Variants in RARB observed in about 807,000 individuals in gnomAD.
RARB encodes HBV-activated protein.
A neutral mutation model predicts 51.9 loss-of-function variants in RARB; 17 were observed. The ratio of observed to expected loss-of-function variants is 0.33; its 90% CI spans 0.22 to 0.49. The LOEUF is 0.49. RARB is among the 20% of genes least tolerant of loss of function. The pLI is 0.99. For missense variants in RARB, 369 were observed against 550.8 expected (o/e 0.67, Z 3.30); for synonymous variants, 215 against 195.4 (o/e 1.10, Z -0.84).
intron 2 of RARB, among the ~76,000 whole-genome samples, chr3:25,011,419 G>A (rs1697391705): frequency 6.6e-6 from 1 of 152,108 alleles, no homozygotes; most frequent in African/African-American, 2.4e-5. Context: ...ATCAATGTGA[G>A]TCTAAAACTT....
chr3:25,594,939 A>G (rs1378798491), intron 7 of RARB, among the ~76,000 whole-genome samples: 1 of 152,172 alleles, frequency 6.6e-6, no homozygotes, highest in Non-Finnish European at 1.5e-5. Flanking sequence ...TGTTTTCAAG[A>G]GAATGTACTA....
At chr3:25,430,256 T>G (rs531421711) in intron 1 of RARB, among the ~76,000 whole-genome samples, 1 of 152,362 alleles carries the variant, frequency 6.6e-6, no homozygotes, top group Non-Finnish European at 1.5e-5. Flanking sequence ...TTTTCTTTTT[T>G]GGTGCCCATT....
At chr3:25,278,768 G>A (rs371132597) in intron 5 of RARB, among the ~76,000 whole-genome samples, 1 of 152,198 alleles carries the variant, frequency 6.6e-6, no homozygotes, top group Non-Finnish European at 1.5e-5. Flanking sequence ...GTGAGCATAT[G>A]AAAGAACATA....
Position 25,455,670 on chromosome 3 carries a change from C to T in RARB, c.158-5523C>T, listed in dbSNP as rs149505956. On this transcript the variant is annotated intron_variant, in intron 1 of 7. Transcript: ENST00000330688. ...GTTCAGAGCAGCCCTCTCAGCATCA[C>T]TGGTGCTGACTGTGCTCTGGGCGGG... Among the ~76,000 whole-genome samples the T allele has an allele frequency of 2.0e-3, 299 of 152,338 alleles. 2 individuals carry two copies. Among genetic ancestry groups the T allele is most frequent in the African/African-American group, 6.9e-3 (287 of 41,586 alleles).
intron 2 of RARB, among the ~76,000 whole-genome samples, chr3:24,893,539 A>G (rs942921573): frequency 3.3e-5 from 5 of 152,140 alleles, no homozygotes; most frequent in African/African-American, 9.7e-5. Flanking sequence ...TTTTTTCATT[A>G]AAGACAGGGT....
chr3:25,017,913 T>C (rs888550408), intron 2 of RARB, among the ~76,000 whole-genome samples: 1 of 152,164 alleles, frequency 6.6e-6, no homozygotes, highest in Non-Finnish European at 1.5e-5. Flanking sequence ...CCCTTGTGAA[T>C]AGGATTTGTG....
At chr3:25,575,104 T>A (rs1433718777) in intron 4 of RARB, among the ~76,000 whole-genome samples, 1 of 152,228 alleles carries the variant, frequency 6.6e-6, no homozygotes, top group Non-Finnish European at 1.5e-5. Context: ...CCATAGATGC[T>A]GGGCTTGGGG....
In RARB at chr3:25,428,866, G is replaced by C. The variant is rs745750943; in HGVS notation, c.135G>C (p.Trp45Cys). 2 of 1,612,756 alleles carry C rather than the reference G, an allele frequency of 1.2e-6. No homozygotes were observed. Among genetic ancestry groups the C allele is most frequent in the South Asian group, 2.2e-5 (2 of 91,032 alleles). Residue 45 changes from tryptophan (W) to cysteine (C), a missense_variant, in exon 1 of 8, where the codon TGG (tryptophan) becomes TGC (cysteine). By Grantham distance (215) the Trp-to-Cys change is radical. Around this residue, in one of 9 missense-constraint regions of RARB, gnomAD observed 99 missense variants for 95.1 expected, o/e 1.04. Coordinates refer to ENST00000330688, the MANE Select transcript of RARB (RefSeq NM_000965.5). ...ACFSGLTQTE[W>C]QHRHTAQSIE... ...TCAGTGGATTGACCCAAACCGAATGGCAGCATCGGCACACTGCTCAATGTA... is the reference window on the plus strand; with the variant it reads ...TCAGTGGATTGACCCAAACCGAATGCCAGCATCGGCACACTGCTCAATGTA...
chr3:25,287,700 A>G (rs1422645954), intron 5 of RARB, among the ~76,000 whole-genome samples: 1 of 152,206 alleles, frequency 6.6e-6, no homozygotes, highest in Admixed American at 6.5e-5. Flanking sequence ...CCCTTTGTCA[A>G]TGGGAAAGTG....
intron 3 of RARB, among the ~76,000 whole-genome samples, chr3:25,550,582 C>T (rs1699807200): frequency 6.6e-6 from 1 of 152,180 alleles, no homozygotes; most frequent in Non-Finnish European, 1.5e-5. Flanking sequence ...CCTTTGAATA[C>T]CATCACATCG....
At chr3:25,069,355 C>T (rs7650083) in intron 3 of RARB, among the ~76,000 whole-genome samples, 1 of 152,164 alleles carries the variant, frequency 6.6e-6, no homozygotes, top group African/African-American at 2.4e-5. Flanking sequence ...TCCTATCACT[C>T]AGTTCCCTGG....
intron 1 of RARB, chr3:25,441,167 G>T: frequency 5.0e-6 from 1 of 201,322 alleles, no homozygotes; most frequent in Non-Finnish European, 1.0e-5. Context: ...GTGTGCTGAT[G>T]TCTTCTGGCA....
intron 3 of RARB, among the ~76,000 whole-genome samples, chr3:25,074,612 C>G (rs758306324): frequency 3.3e-5 from 5 of 151,990 alleles, no homozygotes; most frequent in Non-Finnish European, 5.9e-5. Context: ...TTTTTAATGG[C>G]TGTTGTTGCT....
At chr3:25,147,659 G>A (rs1417257813) in intron 4 of RARB, among the ~76,000 whole-genome samples, 2 of 152,142 alleles carry the variant, frequency 1.3e-5, no homozygotes, top group African/African-American at 2.4e-5. Context: ...CCTGACATTT[G>A]TTTGTAAGTG....
chr3:25,326,413 G>A (rs926652240), intron 5 of RARB, among the ~76,000 whole-genome samples: 1 of 152,152 alleles, frequency 6.6e-6, no homozygotes, highest in Non-Finnish European at 1.5e-5. Flanking sequence ...AGGACCTCTG[G>A]AAAGACAAGA....
Position 24,908,670 on chromosome 3 carries a change from T to TTTTG in RARB, c.-380+49921_-380+49922insGTTT, listed in dbSNP as rs1411503936. Among the ~76,000 whole-genome samples, 6 of 132,560 alleles carry TTTTG rather than the reference T, an allele frequency of 4.5e-5. 1 individual carries two copies. Among genetic ancestry groups the TTTTG allele is most frequent in the Admixed American group, 7.4e-5 (1 of 13,540 alleles). The allele number at this position is 132,560 out of a possible 152,430, so 87.0% of individuals were successfully genotyped here. A position where few individuals can be genotyped will look rare whatever the true frequency, so the allele number is the denominator to read the frequency against. ...CTTGAGGTAACCACAACTGTTTTTT[T>TTTTG]TTTTTTTTTTTTTTTTTTACTAACC... On this transcript the variant is annotated intron_variant, in intron 2 of 11. Transcript: ENST00000383772.
chr3:24,874,538 C>A (rs1046287995), intron 2 of RARB, among the ~76,000 whole-genome samples: 1 of 152,004 alleles, frequency 6.6e-6, no homozygotes, highest in Non-Finnish European at 1.5e-5. Context: ...AAGTAACTCT[C>A]AACATGTTGC....
At chr3:25,077,903 C>T (rs1698908283) in intron 3 of RARB, among the ~76,000 whole-genome samples, 1 of 152,128 alleles carries the variant, frequency 6.6e-6, no homozygotes, top group South Asian at 2.1e-4. Context: ...AAAGCAGTAT[C>T]TCATTTTTCC....
intron 1 of RARB, among the ~76,000 whole-genome samples, chr3:25,453,068 C>T (rs1277141174): frequency 6.6e-6 from 1 of 152,048 alleles, no homozygotes; most frequent in Admixed American, 6.5e-5. Flanking sequence ...GGCAAGTTGA[C>T]AGAGTTCTGA....
Sources: allele counts gnomAD v4.1 joint callset (sites outside exome capture counted in the v4.1 genomes callset), GRCh38; gene constraint gnomAD v4.1.1; regional missense constraint gnomAD v4.1.1; transcripts MANE v1.5; gene names NCBI Gene and HGNC (gene_info 2026-07-23, HGNC 2026-07-21).